The following KCNH7 variants were observed in gnomAD, a reference collection of about 807,000 sequenced individuals.
KCNH7 encodes the protein voltage-gated inwardly rectifying potassium channel KCNH7.
In KCNH7, 49 loss-of-function variants were observed where a neutral mutation model predicts 120.8. That is an observed-to-expected ratio of 0.41 (90% CI 0.32 to 0.51). The LOEUF is 0.51. KCNH7 is among the 20% of genes least tolerant of loss of function. KCNH7 has a pLI of 0.38. For missense variants in KCNH7, 1,097 were observed against 1,446.6 expected, an observed-to-expected ratio of 0.76 and a Z score of 3.92; for synonymous variants, 547 against 516.1, an observed-to-expected ratio of 1.06 and a Z score of -0.81.
At chr2:162,452,855 TTTG>T in intron 6 of KCNH7, among the ~76,000 whole-genome samples, 1 of 152,068 alleles carries the variant, frequency 6.6e-6, no homozygotes, top group Non-Finnish European at 1.5e-5. Flanking sequence ...TTAATAAATA[TTTG>T]CATTACATAT....
intron 2 of KCNH7, among the ~76,000 whole-genome samples, chr2:162,582,248 A>G (rs2105918530): frequency 6.6e-6 from 1 of 152,222 alleles, no homozygotes; most frequent in Middle Eastern, 3.4e-3. Flanking sequence ...GCCCAAAAAC[A>G]TTAATCACAA....
At chr2:162,603,753 T>C (rs1694636099) in intron 2 of KCNH7, among the ~76,000 whole-genome samples, 1 of 152,158 alleles carries the variant, frequency 6.6e-6, no homozygotes, top group Non-Finnish European at 1.5e-5. Context: ...ATTTTATATG[T>C]GATATGTGCT....
chr2:162,679,548 T>C (rs1418146049), intron 2 of KCNH7, among the ~76,000 whole-genome samples: 1 of 151,702 alleles, frequency 6.6e-6, no homozygotes, highest in Non-Finnish European at 1.5e-5. Flanking sequence ...TTGTTTGAAA[T>C]ATAGGATCAA....
At chr2:162,423,747 G>A (rs1480694895) in intron 8 of KCNH7, among the ~76,000 whole-genome samples, 2 of 152,076 alleles carry the variant, frequency 1.3e-5, no homozygotes, top group Non-Finnish European at 2.9e-5. Flanking sequence ...ATTCATCATG[G>A]ATTCTAAATG....
chr2:162,374,859 A>G (rs529790741), intron 14 of KCNH7, among the ~76,000 whole-genome samples: 1 of 152,288 alleles, frequency 6.6e-6, no homozygotes, highest in South Asian at 2.1e-4. Flanking sequence ...ATGATACATG[A>G]CTTTGCAAAT....
intron 6 of KCNH7, among the ~76,000 whole-genome samples, chr2:162,460,269 GAGA>G (rs896165189): frequency 8.6e-5 from 13 of 152,008 alleles, no homozygotes; most frequent in African/African-American, 3.1e-4. Context: ...CTTCCTTCGA[GAGA>G]AGAAGACCAA....
At chr2:162,722,802 A>ATTCTTTT (rs1687364890) in intron 2 of KCNH7, among the ~76,000 whole-genome samples, 6 of 78,398 alleles carry the variant, frequency 7.7e-5, no homozygotes, top group African/African-American at 3.9e-4. Context: ...CTTTTCATTC[A>ATTCTTTT]TTCTTTTTTT....
At chr2:162,397,358 T>C (rs1297750707) in intron 10 of KCNH7, among the ~76,000 whole-genome samples, 2 of 151,838 alleles carry the variant, frequency 1.3e-5, no homozygotes, top group Non-Finnish European at 2.9e-5. Context: ...TCTCTGCAGG[T>C]GGTGCTCAGC....
At chr2:162,558,049 C>T (rs77567139) in intron 2 of KCNH7, among the ~76,000 whole-genome samples, 5,465 of 152,232 alleles carry the variant, frequency 0.036, 422 homozygotes, top group Admixed American at 0.19. Context: ...CATATATTAC[C>T]TGCTTTGAGC....
intron 6 of KCNH7, among the ~76,000 whole-genome samples, chr2:162,470,891 T>C (rs1417100194): frequency 6.6e-6 from 1 of 152,248 alleles, no homozygotes. Flanking sequence ...TTTCACTTTG[T>C]TCTGTACTAA....
At chr2:162,501,926 T>C (rs1398946584) in intron 6 of KCNH7, 1 of 152,040 alleles carries the variant, frequency 6.6e-6, no homozygotes, top group East Asian at 1.9e-4. Flanking sequence ...AAAGCTAAAT[T>C]TGAAAGTCAC....
At chr2:162,558,365 G>C (rs1159915426) in intron 2 of KCNH7, among the ~76,000 whole-genome samples, 1 of 151,802 alleles carries the variant, frequency 6.6e-6, no homozygotes, top group Non-Finnish European at 1.5e-5. Flanking sequence ...TGGTAGAGAC[G>C]GGGTTTCACC....
chr2:162,731,670 A>G (rs1179178077), intron 2 of KCNH7, among the ~76,000 whole-genome samples: 1 of 152,064 alleles, frequency 6.6e-6, no homozygotes, highest in Non-Finnish European at 1.5e-5. Context: ...AAAATATAAA[A>G]TATTTATGAA....
intron 2 of KCNH7, among the ~76,000 whole-genome samples, chr2:162,808,746 T>C (rs1453900121): frequency 1.3e-5 from 2 of 151,586 alleles, no homozygotes; most frequent in East Asian, 3.9e-4. Context: ...AAGATATATA[T>C]ACATATAATA....
In KCNH7 at chr2:162,379,711, A is replaced by G. The variant is rs80086058; in HGVS notation, c.3131+142T>C. 1.3e-3 allele frequency: 1,020 copies of G among 776,336 alleles called. 14 individuals carry two copies. The East Asian group carries it at 0.024, about 18-fold the overall frequency. The allele number at this position is 776,336 out of a possible 1,614,324, so 48.1% of individuals were successfully genotyped here. A position where few individuals can be genotyped will look rare whatever the true frequency, so the allele number is the denominator to read the frequency against. On this transcript the variant is annotated intron_variant, in intron 14 of 15. Coordinates refer to ENST00000332142, the MANE Select transcript of KCNH7 (RefSeq NM_033272.4). The stretch of plus-strand genomic sequence containing the variant: ...CCTTTCAACACAAATTATTCTGTCA[A>G]CTTCTAGTCTTATTTTAAATAAGTA...
chr2:162,429,381 G>GTTTTTTTTTTTTTTTTTTTTTTT (rs1158431426), intron 8 of KCNH7, among the ~76,000 whole-genome samples: 5 of 43,418 alleles, frequency 1.2e-4, no homozygotes, highest in African/African-American at 5.8e-4. Context: ...TGAGGAAAAA[G>GTTTTTTTTTTTTTTTTTTTTTTT]TCTTTTTTTT....
rs140680139 is a variant in KCNH7 at position 162,610,124 on chromosome 2, T to G, written c.308-73044A>C. Among the ~76,000 whole-genome samples the G allele has an allele frequency of 6.6e-5, 10 of 152,260 alleles. No homozygotes were observed. The East Asian group carries it at 1.9e-3, about 29-fold the overall frequency. Reference sequence around the variant, plus strand: ...GACACAGTCACACATTACCCAAAGTTGGAAATAAGGTCAAGAGAATGTGGT... The same window carrying G: ...GACACAGTCACACATTACCCAAAGTGGGAAATAAGGTCAAGAGAATGTGGT... On this transcript the variant is annotated intron_variant, in intron 2 of 15. Transcript: ENST00000332142.
At chr2:162,638,514 C>T (rs1355328867) in intron 2 of KCNH7, among the ~76,000 whole-genome samples, 1 of 152,024 alleles carries the variant, frequency 6.6e-6, no homozygotes, top group Admixed American at 6.6e-5. Context: ...CAACATGTCA[C>T]ATCATTAACT....
chr2:162,559,836 A>C lies in KCNH7; in HGVS notation c.308-22756T>G, dbSNP rs371009263. Among the ~76,000 whole-genome samples, 13 of 152,262 alleles carry C rather than the reference A, an allele frequency of 8.5e-5. No homozygotes were observed. In the East Asian group the frequency reaches 2.1e-3, roughly 25 times the overall value. ...GAGAGAGGAGGTGGCTGTGTGCCTG[A>C]AGTATGTTTGTCACAAATATTTAAT... is the stretch of plus-strand genomic sequence containing the variant. On this transcript the variant is annotated intron_variant, in intron 2 of 15. Transcript: ENST00000332142.
Sources: allele counts gnomAD v4.1 joint callset (sites outside exome capture counted in the v4.1 genomes callset), GRCh38; gene constraint gnomAD v4.1.1; transcripts MANE v1.5; gene names NCBI Gene and HGNC (gene_info 2026-07-23, HGNC 2026-07-21).